The following MEF2C variants were observed in gnomAD, a reference collection of about 807,000 sequenced individuals.
MEF2C encodes the protein myocyte-specific enhancer factor 2C.
A neutral mutation model predicts 50.5 loss-of-function variants in MEF2C; 6 were observed. That is an observed-to-expected ratio of 0.12 (90% CI 0.07 to 0.23). MEF2C has a LOEUF of 0.23. Ranked by LOEUF, MEF2C falls within the 10% of genes least tolerant of loss-of-function variation. The pLI is 1.00. For missense variants in MEF2C, 276 were observed against 605.0 expected, an observed-to-expected ratio of 0.46 and a Z score of 5.70; for synonymous variants, 183 against 228.0, an observed-to-expected ratio of 0.80 and a Z score of 1.78.
At chr5:88,808,952 G>A (rs1801638456) in intron 2 of MEF2C, among the ~76,000 whole-genome samples, 1 of 152,030 alleles carries the variant, frequency 6.6e-6, no homozygotes, top group South Asian at 2.1e-4. Flanking sequence ...GCAGAAAGAG[G>A]TTTTTACAGT....
At chr5:88,891,809 ATTGTT>A (rs1289679191) in intron 1 of MEF2C, among the ~76,000 whole-genome samples, 6 of 151,936 alleles carry the variant, frequency 3.9e-5, no homozygotes, top group Non-Finnish European at 7.4e-5. Flanking sequence ...TATTAGTTTT[ATTGTT>A]TTGTTTTGTT....
At chr5:88,759,676 T>TCAGC (rs70996491) in intron 4 of MEF2C, among the ~76,000 whole-genome samples, 14 of 151,956 alleles carry the variant, frequency 9.2e-5, no homozygotes, top group African/African-American at 3.4e-4. Flanking sequence ...CATATAATAG[T>TCAGC]TTTATGAAAC....
At chr5:88,772,680 A>G (rs1458321316) in intron 3 of MEF2C, 3 of 953,026 alleles carry the variant, frequency 3.1e-6, no homozygotes, top group East Asian at 2.3e-4. Flanking sequence ...TTCTTCCCAC[A>G]TAATACGTGA....
intron 3 of MEF2C, chr5:88,772,247 A>G (rs1161052264): frequency 6.6e-6 from 1 of 152,240 alleles, no homozygotes; most frequent in African/African-American, 2.4e-5. Context: ...GACTTATGTC[A>G]TGACTATTTT....
At chr5:88,852,199 A>C (rs1262106357) in intron 1 of MEF2C, among the ~76,000 whole-genome samples, 1 of 152,210 alleles carries the variant, frequency 6.6e-6, no homozygotes, top group Non-Finnish European at 1.5e-5. Flanking sequence ...TTATAATATT[A>C]AAAAACACAT....
At chr5:88,818,794 T>G (rs1806838597) in intron 2 of MEF2C, among the ~76,000 whole-genome samples, 1 of 151,902 alleles carries the variant, frequency 6.6e-6, no homozygotes. Flanking sequence ...CTCAATACCC[T>G]TTTAAAATAA....
intron 1 of MEF2C, among the ~76,000 whole-genome samples, chr5:88,856,608 C>G (rs1022852153): frequency 1.1e-4 from 17 of 152,236 alleles, no homozygotes; most frequent in Non-Finnish European, 2.5e-4. Context: ...CCTTGCTGCT[C>G]TGTGCAGTCT....
At chr5:88,769,726 C>T (rs1781564268) in intron 3 of MEF2C, among the ~76,000 whole-genome samples, 1 of 152,180 alleles carries the variant, frequency 6.6e-6, no homozygotes, top group South Asian at 2.1e-4. Context: ...CTCACTGCAA[C>T]CTCTGCCTCC....
At chr5:88,736,697 A>T (rs2152352568) in intron 6 of MEF2C, 1 of 985,346 alleles carries the variant, frequency 1.0e-6, no homozygotes, top group Admixed American at 6.1e-5. Flanking sequence ...CTGAACTGCT[A>T]CTTCCATCAT....
At chr5:88,786,814 C>T (rs544467678) in intron 3 of MEF2C, among the ~76,000 whole-genome samples, 1 of 152,264 alleles carries the variant, frequency 6.6e-6, no homozygotes, top group South Asian at 2.1e-4. Context: ...TCAAATTATT[C>T]TACTTATTCA....
intron 3 of MEF2C, among the ~76,000 whole-genome samples, chr5:88,797,084 G>C (rs1192744281): frequency 6.6e-6 from 1 of 152,126 alleles, no homozygotes; most frequent in Non-Finnish European, 1.5e-5. Flanking sequence ...GTGCTGAGAA[G>C]AATGCTGAAG....
chr5:88,880,633 G>C (rs999449548), intron 1 of MEF2C, among the ~76,000 whole-genome samples: 3 of 152,048 alleles, frequency 2.0e-5, no homozygotes, highest in African/African-American at 7.2e-5. Flanking sequence ...CAGTGTTATG[G>C]AATTTATTGA....
At chr5:88,730,829 A>T (rs1761153244) in intron 7 of MEF2C, among the ~76,000 whole-genome samples, 1 of 152,220 alleles carries the variant, frequency 6.6e-6, no homozygotes, top group Admixed American at 6.5e-5. Flanking sequence ...TTTACCCTGA[A>T]GCTTGCCACA....
intron 1 of MEF2C, among the ~76,000 whole-genome samples, chr5:88,849,484 A>G (rs1421154106): frequency 6.6e-6 from 1 of 152,208 alleles, no homozygotes; most frequent in East Asian, 1.9e-4. Context: ...GTTATCTAAG[A>G]CTCAATTTAA....
At chr5:88,750,065 C>A (rs1185317974) in intron 5 of MEF2C, 14 of 569,806 alleles carry the variant, frequency 2.5e-5, no homozygotes, top group South Asian at 1.6e-4. Context: ...TTGAAAAAAA[C>A]AACATTCAGC....
chr5:88,865,610 T>C (rs1050262757), intron 1 of MEF2C, among the ~76,000 whole-genome samples: 1 of 152,208 alleles, frequency 6.6e-6, no homozygotes, highest in Non-Finnish European at 1.5e-5. Flanking sequence ...TGGTGTTTTA[T>C]GGAGTCTTAG....
At chr5:88,825,016 G>C (rs1254770421) in intron 1 of MEF2C, 1 of 151,896 alleles carries the variant, frequency 6.6e-6, no homozygotes, top group Non-Finnish European at 1.5e-5. Flanking sequence ...CTTCGTTTTA[G>C]GTCAATGAAT....
chr5:88,879,005 G>A (rs1026233919), intron 1 of MEF2C, among the ~76,000 whole-genome samples: 27 of 151,962 alleles, frequency 1.8e-4, no homozygotes, highest in African/African-American at 5.8e-4. Context: ...CTGCAAGTGC[G>A]TGCCACAAAT....
chr5:88,785,017 C>T (rs1286376316), intron 3 of MEF2C, among the ~76,000 whole-genome samples: 3 of 152,016 alleles, frequency 2.0e-5, no homozygotes, highest in African/African-American at 4.8e-5. Flanking sequence ...GGAAGGAGAC[C>T]AGAAGAGTCG....
Sources: gnomAD v4.1 joint callset for allele counts (sites outside exome capture counted in the v4.1 genomes callset) on GRCh38, gnomAD v4.1.1 for gene constraint, MANE v1.5 for transcripts, NCBI Gene and HGNC (gene_info 2026-07-23, HGNC 2026-07-21) for gene names.